RBM42: variants seen among roughly 807,000 people sequenced by gnomAD.
RBM42 encodes the protein RNA binding motif protein 42.
A neutral mutation model predicts 41.4 loss-of-function variants in RBM42; 21 were observed. That is an observed-to-expected ratio of 0.51 (90% CI 0.36 to 0.73). The LOEUF (loss-of-function observed/expected upper bound fraction) is 0.73, where lower values mean the gene tolerates loss of function less well. Ranked by LOEUF, RBM42 falls within the 30% of genes least tolerant of loss-of-function variation. The probability of loss-of-function intolerance (pLI) is 0.00; values close to 1 mark genes in which losing one functional copy is unlikely to be tolerated. For synonymous variants in RBM42, 272 were observed against 271.2 expected (o/e 1.00, Z -0.03); for missense variants, 539 against 680.4 (o/e 0.79, Z 2.31).
At chr19:35,634,123 G>A (rs1306894495) in intron 7 of RBM42, 104 bp downstream of exon 7, 23 of 1,520,332 alleles carry the variant, frequency 1.5e-5, no homozygotes, top group Non-Finnish European at 1.9e-5. Context: ...ACCTGGGGGA[G>A]GGAGGCGGAC....
rs747444905 is a variant in RBM42, at chr19:35,633,167, C to T, written c.599C>T (p.Pro200Leu). The part of the protein sequence containing the change: ...QALVGPPLPG[P>L]PGPPMMLPPM... ...CTCGTGGGCCCCCCTCTGCCTGGGCCCCCTGGACCACCCATGATGCTGCCA... is the reference window on the plus strand; with the variant it reads ...CTCGTGGGCCCCCCTCTGCCTGGGCTCCCTGGACCACCCATGATGCTGCCA... The change falls in exon 6 of 10, where the codon CCC (proline) becomes CTC (leucine). Residue 200 changes from proline (P) to leucine (L), a missense_variant. Physicochemically the swap from Pro to Leu is moderately conservative, Grantham distance 98. Around this residue, in one of 2 missense-constraint regions of RBM42, gnomAD observed 429 missense variants for 488.9 expected, o/e 0.88. Coordinates refer to ENST00000262633, the MANE Select transcript of RBM42 (RefSeq NM_024321.5). 3.7e-6 allele frequency: 6 copies of T among 1,608,498 alleles called. No individual in the cohort carries two copies. Among genetic ancestry groups the T allele is most frequent in the South Asian group, 3.3e-5 (3 of 90,908 alleles).
At chr19:35,633,663 C>G (rs568032621) in intron 6 of RBM42, 24 bp from the exon 7 acceptor site, 1 of 1,415,596 alleles carries the variant, frequency 7.1e-7, no homozygotes, top group African/African-American at 1.5e-5. Context: ...GCCGGCCCCC[C>G]TCATGCTCTC....
In RBM42 at chr19:35,629,108, C is replaced by G; in HGVS notation, c.-46C>G. On this transcript the variant is annotated 5_prime_UTR_variant, in exon 1 of 10. Coordinates refer to ENST00000262633, the MANE Select transcript of RBM42 (RefSeq NM_024321.5). Reference sequence around the variant, plus strand: ...GAGTAGACAGCAGAACCAGCGGCGGCGGCTAAGCAGAGACTGTAGTAGCGG... The same window carrying G: ...GAGTAGACAGCAGAACCAGCGGCGGGGGCTAAGCAGAGACTGTAGTAGCGG... 2.7e-6 allele frequency: 4 copies of G among 1,481,848 alleles called. No individual in the cohort carries two copies. In the South Asian group the frequency reaches 5.1e-5, roughly 19 times the overall value. The allele number at this position is 1,481,848 out of a possible 1,614,324, so 91.8% of individuals were successfully genotyped here.
In RBM42 at chr19:35,631,442, G is replaced by GTA. The variant is rs1967403656; in HGVS notation, c.442+37_442+38insTA. On this transcript the variant is annotated intron_variant, in intron 4 of 9. Coordinates refer to ENST00000262633, the MANE Select transcript of RBM42 (RefSeq NM_024321.5). ...GCCAGGGACCCCCACATTTAATCAG[G>GTA]CACTCTTGTTTACATGACTTCAGCC... 1.9e-6 allele frequency: 3 copies of GTA among 1,594,612 alleles called. No homozygotes were observed. The African/African-American group carries it at 4.0e-5, about 21-fold the overall frequency.
chr19:35,632,043 TTAC>T (rs2146349911), intron 4 of RBM42: 1 of 153,380 alleles, frequency 6.5e-6, no homozygotes, highest in East Asian at 1.9e-4. Context: ...TTGTAGGACA[TTAC>T]TTCCTTATAT....
At chr19:35,630,359 T>C (rs370145053) in intron 2 of RBM42, among the ~76,000 whole-genome samples, 1 of 150,250 alleles carries the variant, frequency 6.7e-6, no homozygotes, top group African/African-American at 2.5e-5. Context: ...TGTTGTGTTG[T>C]TGTGTTCAAG....
chr19:35,634,224 A>AC, intron 7 of RBM42, 32 bp from the exon 8 acceptor site: 1 of 1,602,874 alleles, frequency 6.2e-7, no homozygotes, highest in Non-Finnish European at 8.5e-7. Flanking sequence ...CCCAATACCA[A>AC]CCCCTTTGCA....
At chr19:35,631,033 C>G (rs1967395524) in intron 2 of RBM42, 107 bp from the exon 3 acceptor site, 2 of 983,996 alleles carry the variant, frequency 2.0e-6, no homozygotes, top group South Asian at 2.7e-5. Flanking sequence ...AGATAGCCAG[C>G]CACATACAGA....
At chr19:35,634,750 C>G (rs1241299751) in intron 8 of RBM42, among the ~76,000 whole-genome samples, 1 of 151,300 alleles carries the variant, frequency 6.6e-6, no homozygotes, top group Non-Finnish European at 1.5e-5. Flanking sequence ...CCTCCGCCCC[C>G]CAGGTTCAAG....
At position 35,629,070 on chromosome 19, in the gene RBM42, G is replaced by T. The variant is rs1324830119; in HGVS notation, c.-84G>T. ...GGACGTCATCCTCGGGAGCCCACCC[G>T]GACGAAGGGGGAGAGTAGACAGCAG... On this transcript the variant is annotated 5_prime_UTR_variant, in exon 1 of 10. Coordinates refer to ENST00000262633, the MANE Select transcript of RBM42 (RefSeq NM_024321.5). 6.9e-6 allele frequency: 10 copies of T among 1,449,338 alleles called. No homozygotes were observed. The South Asian group carries it at 8.1e-5, about 12-fold the overall frequency. The allele number at this position is 1,449,338 out of a possible 1,614,324, so 89.8% of individuals were successfully genotyped here. A position where few individuals can be genotyped will look rare whatever the true frequency, so the allele number is the denominator to read the frequency against.
chr19:35,631,254 TG>T, intron 3 of RBM42, 30 bp downstream of exon 3: 1 of 1,612,950 alleles, frequency 6.2e-7, no homozygotes, highest in Non-Finnish European at 8.5e-7. Flanking sequence ...GTGAGGGGGT[TG>T]GGCAATCAGG....
Position 35,637,446 on chromosome 19 carries a change from G to A in RBM42, c.1335G>A (p.Lys445=). 6.2e-7 allele frequency: 1 copy of A among 1,614,172 alleles called. No individual in the cohort carries two copies. Among genetic ancestry groups the A allele is most frequent in the Non-Finnish European group, 8.5e-7 (1 of 1,179,988 alleles). The change falls in exon 10 of 10, where the codon AAG becomes AAA. Residue 445 remains lysine (K), a synonymous_variant. Transcript: ENST00000262633. The surrounding 1 kb of genome is among the most constrained non-coding windows in gnomAD (Gnocchi z 7.0). ...YVRAMREMNG[K]YVGSRPIKLR... ...TTGAACCCTCTGTCTCCACAGGGAA[G>A]TATGTGGGCTCGCGCCCCATCAAGC...
At chr19:35,632,498 C>T (rs1413528986) in intron 4 of RBM42, among the ~76,000 whole-genome samples, 6 of 152,212 alleles carry the variant, frequency 3.9e-5, no homozygotes, top group African/African-American at 1.4e-4. Context: ...CTTCATTGCC[C>T]CTTGGGTCTC....
rs1967365769 is a variant in RBM42, at chr19:35,629,443, G to C, written c.129-77G>C. On this transcript the variant is annotated intron_variant, in intron 1 of 9. Transcript: ENST00000262633. Reference sequence around the variant, plus strand: ...ATAGGGGAGAGGTTGGCAGGGGTGAGGGTCCCCTCGCGATATACCCACAGT... The same window carrying C: ...ATAGGGGAGAGGTTGGCAGGGGTGACGGTCCCCTCGCGATATACCCACAGT... 3.2e-6 allele frequency: 5 copies of C among 1,580,114 alleles called. No individual in the cohort carries two copies. In the South Asian group the frequency reaches 3.5e-5, roughly 11 times the overall value.
chr19:35,631,245 T>C, intron 3 of RBM42, 21 bp downstream of exon 3: 2 of 1,613,156 alleles, frequency 1.2e-6, no homozygotes, highest in Non-Finnish European at 8.5e-7. Context: ...AGTAGCAAGG[T>C]GAGGGGGTTG....
At position 35,629,298 on chromosome 19, in the gene RBM42, A is replaced by T; in HGVS notation, c.128+17A>T. On this transcript the variant is annotated intron_variant, in intron 1 of 9. Transcript: ENST00000262633. ...GATGGCCCTGTAAGGCCCGCGACAG[A>T]GAGTGATAAAAGTCGTCCCAGAGCC... 1 of 1,511,988 alleles carries T rather than the reference A, an allele frequency of 6.6e-7. No individual in the cohort carries two copies. The highest frequency in any genetic ancestry group is 8.8e-7 in the Non-Finnish European group (1 of 1,132,450). 93.7% of individuals were successfully genotyped at this position (1,511,988 alleles called of 1,614,324 possible).
chr19:35,632,594 C>T (rs1325763320), intron 4 of RBM42, among the ~76,000 whole-genome samples: 1 of 152,132 alleles, frequency 6.6e-6, no homozygotes, highest in African/African-American at 2.4e-5. Flanking sequence ...ATCCCACTGC[C>T]TGGGCTTCCC....
intron 8 of RBM42, among the ~76,000 whole-genome samples, chr19:35,635,841 C>T (rs989663931): frequency 1.3e-5 from 2 of 152,044 alleles, no homozygotes; most frequent in Non-Finnish European, 2.9e-5. Context: ...TTAATAAGAA[C>T]GGTCTCTTTC....
rs367720425 is a variant in RBM42 at position 35,632,466 on chromosome 19, C to G, written c.443-470C>G. On this transcript the variant is annotated intron_variant, in intron 4 of 9. Coordinates refer to ENST00000262633, the MANE Select transcript of RBM42 (RefSeq NM_024321.5). ...AAATATTCTTCCTGCCAATAATATTCCCACTCACCCCTTGCCTAACACTTC... is the reference window on the plus strand; with the variant it reads ...AAATATTCTTCCTGCCAATAATATTGCCACTCACCCCTTGCCTAACACTTC... 3.9e-5 allele frequency among the ~76,000 whole-genome samples: 6 copies of G among 152,310 alleles called. No homozygotes were observed. In the East Asian group the frequency reaches 9.6e-4, roughly 24 times the overall value.
Sources: allele counts gnomAD v4.1 joint callset (sites outside exome capture counted in the v4.1 genomes callset), GRCh38; gene constraint gnomAD v4.1.1; regional missense constraint gnomAD v4.1.1; non-coding constraint Gnocchi (gnomAD v3.1); transcripts MANE v1.5; gene names NCBI Gene and HGNC (gene_info 2026-07-23, HGNC 2026-07-21).